DLGAP2: variants seen among roughly 807,000 people sequenced by gnomAD.
The protein encoded by DLGAP2 is disks large-associated protein 2.
Under a neutral mutation model 100.3 loss-of-function variants are expected in DLGAP2, and 26 were observed. The ratio of observed to expected loss-of-function variants is 0.26; its 90% CI spans 0.19 to 0.36. DLGAP2 has a LOEUF of 0.36. DLGAP2 is among the 10% of genes least tolerant of loss of function. DLGAP2 has a pLI of 1.00. For synonymous variants in DLGAP2, 886 were observed against 630.1 expected (o/e 1.41, Z -6.08); for missense variants, 1,858 against 1,453.2 (o/e 1.28, Z -4.53).
chr8:1,159,738 C>T (rs1030405715), intron 2 of DLGAP2, among the ~76,000 whole-genome samples: 7 of 152,142 alleles, frequency 4.6e-5, no homozygotes, highest in Admixed American at 6.5e-5. Context: ...TGAGGCTATA[C>T]GATTTCAGTC....
At chr8:1,257,618 G>A (rs550175586) in intron 2 of DLGAP2, among the ~76,000 whole-genome samples, 2 of 152,324 alleles carry the variant, frequency 1.3e-5, no homozygotes, top group South Asian at 2.1e-4. Flanking sequence ...GGGCTGTCAC[G>A]CTGGATGGCA....
At position 1,410,328 on chromosome 8, in the gene DLGAP2, G is replaced by T. The variant is rs1045920014; in HGVS notation, c.107-91038G>T. The stretch of plus-strand genomic sequence containing the variant: ...TTCACGGGCATGGCTTCACGCGTGC[G>T]GCACCGTGGCCCAGGCAGCCTCACG... On this transcript the variant is annotated intron_variant, in intron 3 of 14. Coordinates refer to ENST00000637795, the MANE Select transcript of DLGAP2 (RefSeq NM_001346810.2). 2.6e-5 allele frequency among the ~76,000 whole-genome samples: 4 copies of T among 152,182 alleles called. No homozygotes were observed. In the East Asian group the frequency reaches 5.8e-4, roughly 22 times the overall value.
At chr8:791,485 A>G (rs1239777887) in intron 1 of DLGAP2, among the ~76,000 whole-genome samples, 1 of 152,188 alleles carries the variant, frequency 6.6e-6, no homozygotes, top group East Asian at 1.9e-4. Flanking sequence ...TATCCTCCCC[A>G]CTTGTAACTG....
chr8:1,513,237 C>CG (rs1192270750), intron 4 of DLGAP2, among the ~76,000 whole-genome samples: 19 of 143,082 alleles, frequency 1.3e-4, no homozygotes, highest in African/African-American at 4.9e-4. Context: ...TTTCCCAGTG[C>CG]AGGGCAAGAC....
intron 2 of DLGAP2, among the ~76,000 whole-genome samples, chr8:1,222,006 C>T (rs768074675): frequency 3.0e-4 from 46 of 152,124 alleles, no homozygotes; most frequent in Non-Finnish European, 5.4e-4. Flanking sequence ...TTACTGTTTT[C>T]CTTGGATTAG....
intron 2 of DLGAP2, among the ~76,000 whole-genome samples, chr8:1,235,175 G>A (rs143085541): frequency 5.0e-4 from 23 of 45,942 alleles, no homozygotes; most frequent in Non-Finnish European, 1.1e-3. Flanking sequence ...CACACATGGC[G>A]CCGTGTCTGC....
intron 3 of DLGAP2, among the ~76,000 whole-genome samples, chr8:1,298,601 G>A (rs773793506): frequency 5.3e-5 from 8 of 152,092 alleles, no homozygotes; most frequent in South Asian, 2.1e-4. Context: ...AGTCCTGCCC[G>A]TCCACATGTC....
intron 2 of DLGAP2, among the ~76,000 whole-genome samples, chr8:1,212,979 C>G (rs150520692): frequency 5.3e-5 from 8 of 152,062 alleles, no homozygotes; most frequent in Admixed American, 5.2e-4. Flanking sequence ...TTATTATATG[C>G]CATTGTTGCT....
chr8:1,065,739 A>G (rs1192533571), intron 2 of DLGAP2, among the ~76,000 whole-genome samples: 2 of 152,170 alleles, frequency 1.3e-5, no homozygotes, highest in South Asian at 2.1e-4. Flanking sequence ...ATTTAAGTAC[A>G]TCGTTTGCTC....
chr8:993,972 G>A (rs11775874), intron 2 of DLGAP2, among the ~76,000 whole-genome samples: 6 of 152,030 alleles, frequency 3.9e-5, no homozygotes, highest in Non-Finnish European at 8.8e-5. Flanking sequence ...AGTAGACTTA[G>A]TATAGAGAAT....
intron 2 of DLGAP2, among the ~76,000 whole-genome samples, chr8:1,108,142 G>A (rs986067223): frequency 6.6e-6 from 1 of 152,196 alleles, no homozygotes; most frequent in Non-Finnish European, 1.5e-5. Flanking sequence ...CAGAAGTGGA[G>A]ATCTTAGGTA....
At chr8:963,200 C>T (rs1244453930) in intron 2 of DLGAP2, among the ~76,000 whole-genome samples, 2 of 152,122 alleles carry the variant, frequency 1.3e-5, no homozygotes, top group Non-Finnish European at 2.9e-5. Context: ...TAGGACCTTG[C>T]CTGCAGGGAG....
chr8:1,314,064 T>C (rs1406000245), intron 3 of DLGAP2, among the ~76,000 whole-genome samples: 3 of 152,250 alleles, frequency 2.0e-5, no homozygotes, highest in Middle Eastern at 3.2e-3. Context: ...TTTTCAGTTA[T>C]CCACTGTAAA....
At chr8:1,563,531 G>C (rs1802264740) in intron 5 of DLGAP2, among the ~76,000 whole-genome samples, 1 of 150,728 alleles carries the variant, frequency 6.6e-6, no homozygotes, top group African/African-American at 2.5e-5. Flanking sequence ...TTACTGCGGG[G>C]ACCGTGCAGT....
chr8:1,095,764 A>C lies in DLGAP2; in HGVS notation c.74-163087A>C, dbSNP rs138296179. ...TCTTAAATGTCTTTTTCTTTTTGTA[A>C]CATAAAAACCTTCTAATTCTAGAAT... On this transcript the variant is annotated intron_variant, in intron 2 of 14. Coordinates refer to ENST00000637795, the MANE Select transcript of DLGAP2 (RefSeq NM_001346810.2). Among the ~76,000 whole-genome samples, 346 of 152,298 alleles carry C rather than the reference A, an allele frequency of 2.3e-3. 1 individual carries two copies. Among genetic ancestry groups the C allele is most frequent in the African/African-American group, 7.7e-3 (321 of 41,566 alleles).
chr8:1,288,773 AGTGT>A (rs1207819680), intron 3 of DLGAP2, among the ~76,000 whole-genome samples: 1 of 127,762 alleles, frequency 7.8e-6, no homozygotes, highest in Middle Eastern at 5.6e-3. Flanking sequence ...GTTTCGGTTC[AGTGT>A]GTGTGTGTGT....
chr8:1,025,156 G>T (rs539182521), intron 2 of DLGAP2, among the ~76,000 whole-genome samples: 4 of 152,008 alleles, frequency 2.6e-5, no homozygotes, highest in African/African-American at 9.7e-5. Flanking sequence ...GTGTGTGTGC[G>T]CACGTGTGTG....
chr8:1,344,922 G>A (rs1801520020), intron 3 of DLGAP2, among the ~76,000 whole-genome samples: 1 of 152,228 alleles, frequency 6.6e-6, no homozygotes, highest in Non-Finnish European at 1.5e-5. Flanking sequence ...TCAAAGGACA[G>A]GGTCTTGGTG....
intron 6 of DLGAP2, among the ~76,000 whole-genome samples, chr8:1,604,071 T>G (rs902574482): frequency 6.6e-6 from 1 of 152,112 alleles, no homozygotes; most frequent in Non-Finnish European, 1.5e-5. Context: ...GAACACATTC[T>G]TAAAGACACT....
Sources: gnomAD v4.1 joint callset for allele counts (sites outside exome capture counted in the v4.1 genomes callset) on GRCh38, gnomAD v4.1.1 for gene constraint, MANE v1.5 for transcripts, NCBI Gene and HGNC (gene_info 2026-07-23, HGNC 2026-07-21) for gene names.